GPR107: variants seen among roughly 807,000 people sequenced by gnomAD.
GPR107 encodes protein GPR107.
Under a neutral mutation model 75.5 loss-of-function variants are expected in GPR107, and 31 were observed. The ratio of observed to expected loss-of-function variants is 0.41; its 90% CI spans 0.31 to 0.55. The LOEUF (loss-of-function observed/expected upper bound fraction) is 0.55. Ranked by LOEUF, GPR107 falls within the 20% of genes least tolerant of loss-of-function variation. The pLI is 0.26. For synonymous variants in GPR107, 267 were observed against 251.3 expected, an observed-to-expected ratio of 1.06 and a Z score of -0.59; for missense variants, 572 against 665.7, an observed-to-expected ratio of 0.86 and a Z score of 1.55.
intron 7 of GPR107, among the ~76,000 whole-genome samples, chr9:130,089,030 G>T (rs974256562): frequency 2.0e-5 from 3 of 151,168 alleles, no homozygotes; most frequent in African/African-American, 7.3e-5. Context: ...AGCTGGGTGT[G>T]GTGGTGGTGG....
chr9:130,092,681 T>C (rs1326988559), intron 9 of GPR107, among the ~76,000 whole-genome samples: 1 of 152,050 alleles, frequency 6.6e-6, no homozygotes, highest in Non-Finnish European at 1.5e-5. Flanking sequence ...AGTGGCGTGA[T>C]CTCAGCTCGC....
At position 130,103,901 on chromosome 9, in the gene GPR107, A is replaced by G. The variant is rs896987279; in HGVS notation, c.1132-519A>G. Among the ~76,000 whole-genome samples the G allele has an allele frequency of 4.6e-5, 7 of 152,210 alleles. No homozygotes were observed. The highest frequency in any genetic ancestry group is 8.8e-5 in the Non-Finnish European group (6 of 68,044). ...TCAGTTTCTGTGGGTTAGGAATTCAAGAGTGGCTAGCTGGGTAGGTCTGAC... is the reference window on the plus strand; with the variant it reads ...TCAGTTTCTGTGGGTTAGGAATTCAGGAGTGGCTAGCTGGGTAGGTCTGAC... On this transcript the variant is annotated intron_variant, in intron 12 of 17. Transcript: ENST00000347136. This position sits in a 1 kb window ranked among gnomAD's most constrained non-coding sequence, Gnocchi z 4.3.
At chr9:130,130,653 C>T (rs945408483) in intron 17 of GPR107, among the ~76,000 whole-genome samples, 22 of 152,034 alleles carry the variant, frequency 1.4e-4, no homozygotes, top group African/African-American at 5.1e-4. Flanking sequence ...AGGCAGATCA[C>T]GAGGTCAGGA....
chr9:130,058,333 C>G (rs902522833), intron 1 of GPR107, among the ~76,000 whole-genome samples: 6 of 152,160 alleles, frequency 3.9e-5, no homozygotes, highest in Admixed American at 3.3e-4. Flanking sequence ...CCCATAAGAT[C>G]CCTTGTGTTG....
intron 7 of GPR107, among the ~76,000 whole-genome samples, chr9:130,088,638 C>T (rs1830667334): frequency 1.3e-5 from 2 of 152,166 alleles, no homozygotes; most frequent in Non-Finnish European, 2.9e-5. Flanking sequence ...TCAGTTAATC[C>T]TCTAAACAAC....
chr9:130,058,760 C>T (rs147181686), intron 1 of GPR107, among the ~76,000 whole-genome samples: 70 of 152,318 alleles, frequency 4.6e-4, no homozygotes, highest in African/African-American at 1.5e-3. Flanking sequence ...CCACTGCGCC[C>T]GGCCGATAGG....
At chr9:130,091,229 C>G (rs1830728088) in intron 8 of GPR107, among the ~76,000 whole-genome samples, 1 of 152,104 alleles carries the variant, frequency 6.6e-6, no homozygotes, top group Non-Finnish European at 1.5e-5. Context: ...TGGCTCATGC[C>G]TGTAACCCCA....
chr9:130,110,757 T>G (rs1831276963), intron 14 of GPR107, among the ~76,000 whole-genome samples: 1 of 95,578 alleles, frequency 1.0e-5, no homozygotes, highest in Admixed American at 1.1e-4. Flanking sequence ...CTATGTGCTG[T>G]GAAGCTTGCG....
At chr9:130,104,043 G>C (rs190081226) in intron 12 of GPR107, among the ~76,000 whole-genome samples, 5 of 152,008 alleles carry the variant, frequency 3.3e-5, no homozygotes, top group African/African-American at 1.2e-4. Context: ...CGGGGCTCCT[G>C]GGGGGGCCTT....
chr9:130,091,652 C>T (rs1321857555), intron 8 of GPR107, among the ~76,000 whole-genome samples: 1 of 151,600 alleles, frequency 6.6e-6, no homozygotes, highest in Non-Finnish European at 1.5e-5. Flanking sequence ...CCTCAGCCTC[C>T]TGAGTAGCTG....
intron 1 of GPR107, among the ~76,000 whole-genome samples, chr9:130,058,477 T>C (rs1829845969): frequency 6.6e-6 from 1 of 152,088 alleles, no homozygotes; most frequent in Non-Finnish European, 1.5e-5. Flanking sequence ...TTTCTTTTTT[T>C]TTTTTTAGAC....
At chr9:130,115,270 A>G (rs1437642518) in intron 14 of GPR107, among the ~76,000 whole-genome samples, 2 of 152,084 alleles carry the variant, frequency 1.3e-5, no homozygotes, top group Non-Finnish European at 2.9e-5. Flanking sequence ...GATTAATTTA[A>G]ATCATCTTAT....
At chr9:130,075,313 C>G (rs1475304075) in intron 1 of GPR107, among the ~76,000 whole-genome samples, 1 of 140,558 alleles carries the variant, frequency 7.1e-6, no homozygotes, top group Non-Finnish European at 1.5e-5. Flanking sequence ...GGCATGATCT[C>G]GGCTCACTGC....
At position 130,083,551 on chromosome 9, in the gene GPR107, G is replaced by A; in HGVS notation, c.527-14G>A. On this transcript the variant is annotated splice_polypyrimidine_tract_variant and intron_variant, in intron 5 of 17. Transcript: ENST00000347136. ...AGTCATGCAGCACTCTCTTTTAAATGTTCTTGCTTCTAGATGGTGGAAAGT... is the reference window on the plus strand; with the variant it reads ...AGTCATGCAGCACTCTCTTTTAAATATTCTTGCTTCTAGATGGTGGAAAGT... 2 of 1,503,868 alleles carry A rather than the reference G, an allele frequency of 1.3e-6. No homozygotes were observed. The highest frequency in any genetic ancestry group is 5.1e-5 in the Admixed American group (2 of 38,944). 93.2% of individuals were successfully genotyped at this position (1,503,868 alleles called of 1,614,324 possible). A position where few individuals can be genotyped will look rare whatever the true frequency, so the allele number is the denominator to read the frequency against.
chr9:130,083,999 G>A (rs943145975), intron 6 of GPR107, among the ~76,000 whole-genome samples: 1 of 146,808 alleles, frequency 6.8e-6, no homozygotes, highest in African/African-American at 2.5e-5. Flanking sequence ...TTTTTGGTTG[G>A]CAGTTGGTTC....
At chr9:130,094,666 G>A (rs1281688210) in intron 9 of GPR107, among the ~76,000 whole-genome samples, 1 of 151,276 alleles carries the variant, frequency 6.6e-6, no homozygotes, top group Non-Finnish European at 1.5e-5. Flanking sequence ...ATTTTGTTTT[G>A]TTTTGTTTGT....
At chr9:130,087,864 G>A (rs1177724150) in intron 7 of GPR107, among the ~76,000 whole-genome samples, 4 of 149,322 alleles carry the variant, frequency 2.7e-5, no homozygotes, top group Non-Finnish European at 4.4e-5. Context: ...TTAAGTATAC[G>A]GTTTGTTCAG....
rs368664209 is a variant in GPR107, at chr9:130,127,529, A to C, written c.1403A>C (p.Lys468Thr). ...YFTRIIAFLL[K>T]LAVPFQWKWL... ...ACTAGGATCATTGCATTTCTCCTCA[A>C]ACTCGCTGTTCCATTCCAGTGGAAG... Residue 468 changes from lysine (K) to threonine (T), a missense_variant, in exon 16 of 18, where the codon AAA (lysine) becomes ACA (threonine). Transcript: ENST00000347136. The C allele has an allele frequency of 6.2e-7, 1 of 1,604,298 alleles. No individual in the cohort carries two copies. The highest frequency in any genetic ancestry group is 8.5e-7 in the Non-Finnish European group (1 of 1,171,158).
intron 13 of GPR107, among the ~76,000 whole-genome samples, chr9:130,104,949 T>C (rs1159860284): frequency 6.6e-6 from 1 of 152,210 alleles, no homozygotes; most frequent in Non-Finnish European, 1.5e-5. Flanking sequence ...AAACTAGTGA[T>C]AGTTCTCAGC....
Sources: gnomAD v4.1 joint callset for allele counts (sites outside exome capture counted in the v4.1 genomes callset) on GRCh38, gnomAD v4.1.1 for gene constraint, Gnocchi (gnomAD v3.1) non-coding constraint, MANE v1.5 for transcripts, NCBI Gene and HGNC (gene_info 2026-07-23, HGNC 2026-07-21) for gene names.